Variants in KSR2 observed in about 807,000 individuals in gnomAD.
The protein encoded by KSR2 is kinase suppressor of ras 2.
A neutral mutation model predicts 107.8 loss-of-function variants in KSR2; 25 were observed. The ratio of observed to expected loss-of-function variants is 0.23; its 90% CI spans 0.17 to 0.32. The LOEUF (loss-of-function observed/expected upper bound fraction) is 0.32. Ranked by LOEUF, KSR2 falls within the 10% of genes least tolerant of loss-of-function variation. The pLI, the probability that KSR2 is intolerant of heterozygous loss-of-function variation, is 1.00. For missense variants in KSR2, 887 were observed against 1,268.9 expected (o/e 0.70, Z 4.57); for synonymous variants, 480 against 507.0 (o/e 0.95, Z 0.71).
intron 3 of KSR2, among the ~76,000 whole-genome samples, chr12:117,766,837 G>A (rs991637064): frequency 1.1e-4 from 16 of 149,864 alleles, no homozygotes; most frequent in Non-Finnish European, 2.1e-4. Context: ...GTGGGAGTTT[G>A]GAGAACTGCC....
At chr12:117,956,341 G>A (rs1484811866) in intron 1 of KSR2, among the ~76,000 whole-genome samples, 1 of 151,836 alleles carries the variant, frequency 6.6e-6, no homozygotes, top group Non-Finnish European at 1.5e-5. Context: ...GCCAAGGCAG[G>A]AGGGCTGCTT....
chr12:117,957,534 G>A (rs1896549514), intron 1 of KSR2, among the ~76,000 whole-genome samples: 2 of 152,124 alleles, frequency 1.3e-5, no homozygotes. Context: ...TGGGCAAGAA[G>A]GAAGGCCAGG....
intron 4 of KSR2, among the ~76,000 whole-genome samples, chr12:117,754,137 T>C (rs1362726528): frequency 1.3e-5 from 2 of 152,172 alleles, no homozygotes; most frequent in South Asian, 4.2e-4. Flanking sequence ...TCATAGCAGT[T>C]CTAACACATT....
intron 3 of KSR2, among the ~76,000 whole-genome samples, chr12:117,777,146 T>C (rs1333835288): frequency 3.5e-5 from 5 of 143,160 alleles, no homozygotes; most frequent in Non-Finnish European, 7.5e-5. Context: ...ATATTATATA[T>C]ATATATATAC....
chr12:117,936,523 A>AG (rs1593384012), intron 1 of KSR2, among the ~76,000 whole-genome samples: 1,401 of 50,672 alleles, frequency 0.028, 13 homozygotes, highest in Middle Eastern at 0.082. Context: ...TATTATTATT[A>AG]TTATTATTAT....
At chr12:117,654,111 T>G (rs1884019940) in intron 5 of KSR2, among the ~76,000 whole-genome samples, 1 of 152,198 alleles carries the variant, frequency 6.6e-6, no homozygotes, top group Non-Finnish European at 1.5e-5. Flanking sequence ...TGGTGGAAAC[T>G]GTACATTTGG....
At chr12:117,886,865 G>A (rs1388241485) in intron 1 of KSR2, among the ~76,000 whole-genome samples, 2 of 151,364 alleles carry the variant, frequency 1.3e-5, no homozygotes, top group Admixed American at 6.6e-5. Context: ...GTATTACCTG[G>A]CTTATTAAAA....
intron 3 of KSR2, among the ~76,000 whole-genome samples, chr12:117,815,254 C>T (rs1484679268): frequency 6.6e-6 from 1 of 152,142 alleles, no homozygotes; most frequent in East Asian, 1.9e-4. Flanking sequence ...AGATTGCAAT[C>T]GACCTCAATG....
At chr12:117,594,760 TAGA>T (rs1880534515) in intron 5 of KSR2, among the ~76,000 whole-genome samples, 1 of 152,170 alleles carries the variant, frequency 6.6e-6, no homozygotes, top group Admixed American at 6.5e-5. Flanking sequence ...AAAGTTAACC[TAGA>T]GCAACAGTTC....
At chr12:117,711,708 C>T (rs533173177) in intron 4 of KSR2, among the ~76,000 whole-genome samples, 1 of 152,310 alleles carries the variant, frequency 6.6e-6, no homozygotes, top group South Asian at 2.1e-4. Context: ...GCTTTGATTT[C>T]TCATGGAAGG....
At chr12:117,936,196 C>T (rs1319586836) in intron 1 of KSR2, among the ~76,000 whole-genome samples, 2 of 151,154 alleles carry the variant, frequency 1.3e-5, no homozygotes, top group East Asian at 3.9e-4. Flanking sequence ...CCACCATGTC[C>T]AGCTAATTTT....
intron 7 of KSR2, among the ~76,000 whole-genome samples, chr12:117,575,558 T>C (rs990212497): frequency 1.7e-4 from 26 of 152,222 alleles, no homozygotes; most frequent in African/African-American, 6.3e-4. Context: ...CTATCCTCAC[T>C]ATAACTAATG....
rs529522730 is a variant in KSR2, at chr12:117,885,852, T to C, written c.181-25421A>G. ...GGCTCACGTCTGTAATCCCAGCACT[T>C]TGGGAGGCCAAGGCAGGTGGATCAC... is the stretch of plus-strand genomic sequence containing the variant. On this transcript the variant is annotated intron_variant, in intron 1 of 19. Coordinates refer to ENST00000339824, the MANE Select transcript of KSR2 (RefSeq NM_173598.6). Among the ~76,000 whole-genome samples, 84 of 151,964 alleles carry C rather than the reference T, an allele frequency of 5.5e-4. 1 individual carries two copies. Among genetic ancestry groups the C allele is most frequent in the African/African-American group, 2.0e-3 (83 of 41,444 alleles).
rs141291671 is a variant in KSR2 at position 117,919,480 on chromosome 12, T to C, written c.180+48596A>G. Reference sequence around the variant, plus strand: ...TGTGAATCTTCAAGGAAGCATATGCTAGGCTGTTTGTTGCAGTACTGTTTG... The same window carrying C: ...TGTGAATCTTCAAGGAAGCATATGCCAGGCTGTTTGTTGCAGTACTGTTTG... On this transcript the variant is annotated intron_variant, in intron 1 of 19. Coordinates refer to ENST00000339824, the MANE Select transcript of KSR2 (RefSeq NM_173598.6). 2.3e-3 allele frequency among the ~76,000 whole-genome samples: 346 copies of C among 152,340 alleles called. 4 individuals are homozygous for C. Among genetic ancestry groups the C allele is most frequent in the African/African-American group, 7.8e-3 (324 of 41,580 alleles).
intron 3 of KSR2, among the ~76,000 whole-genome samples, chr12:117,803,602 C>T (rs1049648313): frequency 3.3e-5 from 5 of 152,090 alleles, no homozygotes; most frequent in African/African-American, 1.2e-4. Flanking sequence ...ACTCGGTAGG[C>T]TGAGGCAGGA....
At chr12:117,794,410 CACATGCACAT>C (rs1890511523) in intron 3 of KSR2, among the ~76,000 whole-genome samples, 1 of 102,432 alleles carries the variant, frequency 9.8e-6, no homozygotes, top group African/African-American at 3.9e-5. Context: ...AACATGCACA[CACATGCACAT>C]ACAACATGCA....
At chr12:117,633,780 A>T (rs1882920216) in intron 5 of KSR2, among the ~76,000 whole-genome samples, 1 of 151,872 alleles carries the variant, frequency 6.6e-6, no homozygotes, top group Admixed American at 6.6e-5. Context: ...ATAAAATCAC[A>T]CTCTGGGGTT....
At chr12:117,697,600 C>T (rs893300772) in intron 4 of KSR2, among the ~76,000 whole-genome samples, 1 of 151,982 alleles carries the variant, frequency 6.6e-6, no homozygotes, top group Non-Finnish European at 1.5e-5. Flanking sequence ...ATTAGCCAGG[C>T]ATGGTGGCAC....
intron 1 of KSR2, among the ~76,000 whole-genome samples, chr12:117,955,249 G>A (rs1418102773): frequency 2.6e-5 from 4 of 151,794 alleles, no homozygotes; most frequent in African/African-American, 4.8e-5. Context: ...CAGCCTCCCA[G>A]GTATCTGGGA....
Sources: allele counts gnomAD v4.1 joint callset (sites outside exome capture counted in the v4.1 genomes callset), GRCh38; gene constraint gnomAD v4.1.1; transcripts MANE v1.5; gene names NCBI Gene and HGNC (gene_info 2026-07-23, HGNC 2026-07-21).